Variants in WDR49 observed in about 807,000 individuals in gnomAD.
WDR49 encodes cilia- and flagella-associated protein 337.
A neutral mutation model predicts 119.5 loss-of-function variants in WDR49; 107 were observed. That is an observed-to-expected ratio of 0.90 (90% confidence interval 0.77 to 1.05). WDR49 has a LOEUF of 1.05. Ranked by LOEUF, WDR49 falls within the 50% of genes least tolerant of loss-of-function variation. WDR49 has a pLI of 0.00. For missense variants in WDR49, 1,240 were observed against 1,220.5 expected (o/e 1.02, Z -0.24); for synonymous variants, 425 against 418.8 (o/e 1.01, Z -0.18).
At chr3:167,517,629 A>C (rs1346949541) in intron 16 of WDR49, among the ~76,000 whole-genome samples, 1 of 152,202 alleles carries the variant, frequency 6.6e-6, no homozygotes, top group East Asian at 1.9e-4. Context: ...TTCAAGATGA[A>C]AACATCAAAA....
intron 2 of WDR49, among the ~76,000 whole-genome samples, chr3:167,635,356 T>C (rs1176602930): frequency 6.6e-6 from 1 of 151,780 alleles, no homozygotes; most frequent in East Asian, 1.9e-4. Flanking sequence ...TTATTCTTCT[T>C]AAGACTTATC....
At chr3:167,524,668 T>G (rs1752572716) in intron 15 of WDR49, among the ~76,000 whole-genome samples, 1 of 152,210 alleles carries the variant, frequency 6.6e-6, no homozygotes, top group African/African-American at 2.4e-5. Flanking sequence ...AGGGAATAAT[T>G]TCCCCATTGT....
At chr3:167,503,134 G>C (rs918594331) in intron 17 of WDR49, among the ~76,000 whole-genome samples, 4 of 152,216 alleles carry the variant, frequency 2.6e-5, no homozygotes, top group South Asian at 2.1e-4. Context: ...AACTCAGGCA[G>C]CCACTCCAGA....
rs745491173 is a variant in WDR49, at chr3:167,500,145, G to C, written c.3031+8C>G. 6.4e-7 allele frequency: 1 copy of C among 1,558,348 alleles called. No individual in the cohort carries two copies. The highest frequency in any genetic ancestry group is 2.3e-5 in the East Asian group (1 of 42,772). On this transcript the variant is annotated splice_region_variant and intron_variant, in intron 18 of 18. Coordinates refer to ENST00000682715, the MANE Select transcript of WDR49 (RefSeq NM_001366157.1). ...GATAATAGAGGTGTATGATGGCTGA[G>C]AACTTACTTTTAAAAAGTGACGGGG...
rs575749043 is a variant in WDR49, at chr3:167,591,171, C to T, written c.1275+10956G>A. ...TCAGTTTCTTTATTGACACACTGGT[C>T]ATTCAGGAGAATATTGTTTAATTTC... On this transcript the variant is annotated intron_variant, in intron 7 of 18. Transcript: ENST00000682715. Among the ~76,000 whole-genome samples the T allele has an allele frequency of 9.2e-5, 14 of 152,144 alleles. No homozygotes were observed. The South Asian group carries it at 2.9e-3, about 32-fold the overall frequency.
chr3:167,605,078 T>C (rs868150468), intron 5 of WDR49, among the ~76,000 whole-genome samples: 3 of 149,220 alleles, frequency 2.0e-5, no homozygotes, highest in South Asian at 2.1e-4. Flanking sequence ...TATACACACA[T>C]ATATTTGTAA....
intron 10 of WDR49, among the ~76,000 whole-genome samples, chr3:167,539,234 T>G (rs1711646821): frequency 6.6e-6 from 1 of 152,210 alleles, no homozygotes; most frequent in Non-Finnish European, 1.5e-5. Context: ...TATTTTTTGC[T>G]TGCAGTAGCT....
chr3:167,591,608 A>G (rs2108296487), intron 7 of WDR49, among the ~76,000 whole-genome samples: 1 of 152,252 alleles, frequency 6.6e-6, no homozygotes, highest in East Asian at 1.9e-4. Context: ...ATATATTTAC[A>G]ATTGTTATAT....
At chr3:167,534,755 C>A (rs1214112996) in intron 11 of WDR49, among the ~76,000 whole-genome samples, 4 of 152,082 alleles carry the variant, frequency 2.6e-5, no homozygotes, top group Non-Finnish European at 5.9e-5. Flanking sequence ...AGAAATGATA[C>A]AACAATTTTT....
At chr3:167,607,023 A>G (rs1376294262) in intron 5 of WDR49, among the ~76,000 whole-genome samples, 1 of 152,184 alleles carries the variant, frequency 6.6e-6, no homozygotes, top group Non-Finnish European at 1.5e-5. Context: ...ATATGAGCTA[A>G]TGAAAATAGA....
chr3:167,621,526 A>G lies in WDR49; in HGVS notation c.724T>C (p.Trp242Arg). ...LKGTPICMDYWYDPLDANESI... is the reference protein window; with the variant it reads ...LKGTPICMDYRYDPLDANESI... ...TCATTGGCATCAAGAGGATCATACC[A>G]ATAATCCATGCAAATTGGTGTTCCT... The change falls in exon 4 of 19, where the codon TGG (tryptophan) becomes CGG (arginine). Residue 242 changes from tryptophan to arginine, a missense_variant. Trp to Arg is a moderately radical substitution (Grantham distance 101). Coordinates refer to ENST00000682715, the MANE Select transcript of WDR49 (RefSeq NM_001366157.1). 1 of 1,535,712 alleles carries G rather than the reference A, an allele frequency of 6.5e-7. No homozygotes were observed. The highest frequency in any genetic ancestry group is 8.7e-7 in the Non-Finnish European group (1 of 1,146,488).
At chr3:167,646,483 C>T (rs17408282) in intron 2 of WDR49, among the ~76,000 whole-genome samples, 3,216 of 152,150 alleles carry the variant, frequency 0.021, 51 homozygotes, top group Non-Finnish European at 0.03. Flanking sequence ...CAAGTTAGTA[C>T]GAAGTCATGA....
Position 167,602,235 on chromosome 3 carries a change from G to C in WDR49, c.1167C>G (p.Pro389=), listed in dbSNP as rs768313751. The C allele has an allele frequency of 6.3e-7, 1 of 1,596,162 alleles. No individual in the cohort carries two copies. The highest frequency in any genetic ancestry group is 1.1e-5 in the South Asian group (1 of 89,166). Residue 389 remains proline, a synonymous_variant, in exon 7 of 19, where the codon CCC becomes CCG. Transcript: ENST00000682715. ...GINNKVCLWN[P]YVVSKPVGVL... is the part of the protein sequence containing the mutation. ...CACCCACTGGTTTAGAGACAACATA[G>C]GGATTCCAAAGGCAAACTTTATTGT...
chr3:167,655,664 A>G (rs1043779526), upstream of WDR49, among the ~76,000 whole-genome samples: 1 of 152,194 alleles, frequency 6.6e-6, no homozygotes, highest in East Asian at 1.9e-4. Context: ...TTGGGAAGCC[A>G]AGACAGGCAG....
intron 7 of WDR49, among the ~76,000 whole-genome samples, chr3:167,581,629 A>T (rs1714534962): frequency 1.3e-5 from 2 of 152,196 alleles, no homozygotes; most frequent in Non-Finnish European, 2.9e-5. Flanking sequence ...TTATTCACAC[A>T]GGCATCATAG....
At chr3:167,514,652 C>G (rs1752127247) in intron 16 of WDR49, among the ~76,000 whole-genome samples, 1 of 151,324 alleles carries the variant, frequency 6.6e-6, no homozygotes, top group Admixed American at 6.6e-5. Flanking sequence ...CACACACACA[C>G]ACACACACAC....
chr3:167,643,336 T>C (rs1451073033), intron 2 of WDR49, among the ~76,000 whole-genome samples: 3 of 152,034 alleles, frequency 2.0e-5, no homozygotes, highest in Non-Finnish European at 4.4e-5. Flanking sequence ...ATGGTGAAGA[T>C]GAATCTAACA....
chr3:167,599,283 G>T (rs1018863776), intron 7 of WDR49, among the ~76,000 whole-genome samples: 7 of 152,078 alleles, frequency 4.6e-5, no homozygotes, highest in Non-Finnish European at 8.8e-5. Flanking sequence ...TGACTGAACT[G>T]GCACTCAAAC....
intron 5 of WDR49, among the ~76,000 whole-genome samples, chr3:167,609,651 T>A (rs146581721): frequency 1.3e-5 from 2 of 152,232 alleles, no homozygotes; most frequent in African/African-American, 4.8e-5. Flanking sequence ...AGTCCTTGTG[T>A]GGAACTAGGC....
Sources: gnomAD v4.1 joint callset for allele counts (sites outside exome capture counted in the v4.1 genomes callset) on GRCh38, gnomAD v4.1.1 for gene constraint, MANE v1.5 for transcripts, NCBI Gene and HGNC (gene_info 2026-07-23, HGNC 2026-07-21) for gene names.